The following RFX3 variants were observed in gnomAD, a reference collection of about 807,000 sequenced individuals.
The protein encoded by RFX3 is transcription factor RFX3.
Under a neutral mutation model 98.6 loss-of-function variants are expected in RFX3, and 14 were observed. The observed-to-expected ratio is 0.14, with a 90% CI of 0.09 to 0.22. RFX3 has a LOEUF of 0.22. RFX3 is among the 10% of genes least tolerant of loss of function. RFX3 has a pLI of 1.00. For missense variants in RFX3, 639 were observed against 926.9 expected (o/e 0.69, Z 4.03); for synonymous variants, 383 against 328.4 (o/e 1.17, Z -1.80).
intron 7 of RFX3, among the ~76,000 whole-genome samples, chr9:3,282,141 A>C (rs1825995370): frequency 6.6e-6 from 1 of 151,760 alleles, no homozygotes; most frequent in Non-Finnish European, 1.5e-5. Flanking sequence ...ATCTCTTTGG[A>C]AAAAACTGTC....
At chr9:3,286,161 C>T (rs1188532937) in intron 7 of RFX3, among the ~76,000 whole-genome samples, 1 of 151,754 alleles carries the variant, frequency 6.6e-6, no homozygotes, top group Non-Finnish European at 1.5e-5. Flanking sequence ...CCATCATCTC[C>T]ACTGTGTAGT....
chr9:3,349,638 C>T (rs577393439), intron 2 of RFX3, among the ~76,000 whole-genome samples: 2 of 152,106 alleles, frequency 1.3e-5, no homozygotes, highest in African/African-American at 4.8e-5. Context: ...CTTTCATTGC[C>T]TTTCTTTTTC....
At chr9:3,457,067 G>A (rs1382609448) in intron 1 of RFX3, among the ~76,000 whole-genome samples, 1 of 148,710 alleles carries the variant, frequency 6.7e-6, no homozygotes, top group African/African-American at 2.5e-5. Context: ...CTTGAACCCG[G>A]GAGGCAGCAG....
In RFX3 at chr9:3,247,296, G is replaced by T. The variant is rs941320856; in HGVS notation, c.1968+736C>A. On this transcript the variant is annotated intron_variant, in intron 15 of 16. Coordinates refer to ENST00000617270, the MANE Select transcript of RFX3 (RefSeq NM_001282116.2). The stretch of plus-strand genomic sequence containing the variant: ...AAGCTTTTTGATAAGCCATTTTGAT[G>T]ACTATTCAGAAATTCTGAAGAAGAG... 21 of 987,138 alleles carry T rather than the reference G, an allele frequency of 2.1e-5. No homozygotes were observed. In the Admixed American group the frequency reaches 9.7e-4, roughly 45 times the overall value. The allele number at this position is 987,138 out of a possible 1,614,324, so 61.1% of individuals were successfully genotyped here.
Position 3,346,880 on chromosome 9 carries a change from T to C in RFX3, c.118-116A>G, listed in dbSNP as rs1036959274. On this transcript the variant is annotated intron_variant, in intron 2 of 16. Coordinates refer to ENST00000617270, the MANE Select transcript of RFX3 (RefSeq NM_001282116.2). Reference sequence around the variant, plus strand: ...TATTGATAAATTTGAGAAAGACTGATAAGAAAAACTATTAGATTCATGTCA... The same window carrying C: ...TATTGATAAATTTGAGAAAGACTGACAAGAAAAACTATTAGATTCATGTCA... The C allele has an allele frequency of 2.1e-5, 14 of 679,256 alleles. No homozygotes were observed. The Admixed American group carries it at 3.1e-4, about 15-fold the overall frequency. 42.1% of individuals were successfully genotyped at this position (679,256 alleles called of 1,614,324 possible). A position where few individuals can be genotyped will look rare whatever the true frequency, so the allele number is the denominator to read the frequency against.
At chr9:3,345,262 C>G (rs375000983) in intron 3 of RFX3, among the ~76,000 whole-genome samples, 130 of 152,136 alleles carry the variant, frequency 8.5e-4, no homozygotes, top group African/African-American at 2.9e-3. Context: ...ACAGAGAATG[C>G]TATTTCAGCA....
chr9:3,274,869 T>A, intron 9 of RFX3, among the ~76,000 whole-genome samples: 1 of 151,980 alleles, frequency 6.6e-6, no homozygotes. Flanking sequence ...GATATGTATA[T>A]CCATACATAT....
intron 4 of RFX3, among the ~76,000 whole-genome samples, chr9:3,311,276 A>C (rs892869653): frequency 6.6e-6 from 1 of 152,228 alleles, no homozygotes; most frequent in Non-Finnish European, 1.5e-5. Flanking sequence ...AAATCAGGTA[A>C]GACAAAAACA....
Position 3,397,191 on chromosome 9 carries a change from G to A in RFX3, c.-8-1595C>T, listed in dbSNP as rs985491639. Among the ~76,000 whole-genome samples the A allele has an allele frequency of 4.6e-5, 7 of 152,168 alleles. No individual in the cohort carries two copies. In the South Asian group the frequency reaches 1.5e-3, roughly 32 times the overall value. On this transcript the variant is annotated intron_variant, in intron 1 of 16. Coordinates refer to ENST00000617270, the MANE Select transcript of RFX3 (RefSeq NM_001282116.2). ...TTACTCTAACAGGTATGCTTTCTCC[G>A]GCTTCCTGGCCTTGACATCCCCTTT...
intron 1 of RFX3, among the ~76,000 whole-genome samples, chr9:3,421,875 A>T (rs1318921775): frequency 6.6e-6 from 1 of 152,208 alleles, no homozygotes; most frequent in Non-Finnish European, 1.5e-5. Context: ...TTACTCTAGC[A>T]GGCAATTTCA....
intron 13 of RFX3, 147 bp downstream of exon 13, chr9:3,262,788 G>T: frequency 1.3e-6 from 1 of 792,986 alleles, no homozygotes; most frequent in Non-Finnish European, 2.0e-6. Flanking sequence ...GCTGTATCTG[G>T]GTCAAACTCC....
intron 4 of RFX3, among the ~76,000 whole-genome samples, chr9:3,320,768 C>CATATATAT (rs34990458): frequency 7.5e-4 from 64 of 85,872 alleles, no homozygotes; most frequent in Non-Finnish European, 1.0e-3. Flanking sequence ...TGCTACATAG[C>CATATATAT]ATATATATAT....
intron 2 of RFX3, among the ~76,000 whole-genome samples, chr9:3,379,665 C>T (rs752411671): frequency 1.3e-5 from 2 of 152,116 alleles, no homozygotes; most frequent in Non-Finnish European, 2.9e-5. Flanking sequence ...TAAGCACATA[C>T]ACCTGCACAC....
At chr9:3,469,046 A>T (rs1023318323) in intron 1 of RFX3, 4 of 355,218 alleles carry the variant, frequency 1.1e-5, no homozygotes, top group South Asian at 2.2e-5. Context: ...AATGCAAAGC[A>T]TCTCCAGATA....
chr9:3,399,955 A>G (rs1441037173), intron 1 of RFX3, among the ~76,000 whole-genome samples: 1 of 152,124 alleles, frequency 6.6e-6, no homozygotes, highest in Admixed American at 6.5e-5. Context: ...TCTCAAAAAA[A>G]AAAAAAAGAA....
chr9:3,405,726 C>A (rs567369493), intron 1 of RFX3, among the ~76,000 whole-genome samples: 1 of 152,122 alleles, frequency 6.6e-6, no homozygotes, highest in Non-Finnish European at 1.5e-5. Context: ...AATTATATCT[C>A]AAAAATACAC....
chr9:3,316,346 C>T (rs977271424), intron 4 of RFX3, among the ~76,000 whole-genome samples: 1 of 152,092 alleles, frequency 6.6e-6, no homozygotes, highest in Non-Finnish European at 1.5e-5. Context: ...TAAAAAATCT[C>T]AATAAACTAG....
At chr9:3,476,920 C>A (rs963472300) in intron 1 of RFX3, among the ~76,000 whole-genome samples, 8 of 152,012 alleles carry the variant, frequency 5.3e-5, no homozygotes, top group African/African-American at 1.7e-4. Context: ...TGACCTTGGG[C>A]AAGTCACTTT....
chr9:3,451,671 T>C (rs1464571982), intron 1 of RFX3, among the ~76,000 whole-genome samples: 1 of 152,206 alleles, frequency 6.6e-6, no homozygotes, highest in Non-Finnish European at 1.5e-5. Context: ...TTCTTATGTG[T>C]AGGCTGCATA....
Sources: gnomAD v4.1 joint callset for allele counts (sites outside exome capture counted in the v4.1 genomes callset) on GRCh38, gnomAD v4.1.1 for gene constraint, MANE v1.5 for transcripts, NCBI Gene and HGNC (gene_info 2026-07-23, HGNC 2026-07-21) for gene names.